GPHN: variants seen among roughly 807,000 people sequenced by gnomAD.
GPHN encodes gephyrin.
A neutral mutation model predicts 95.5 loss-of-function variants in GPHN; 17 were observed. The observed-to-expected ratio is 0.18, with a 90% CI of 0.12 to 0.27. The LOEUF is 0.27. Ranked by LOEUF, GPHN falls within the 10% of genes least tolerant of loss-of-function variation. GPHN has a pLI of 1.00. For missense variants in GPHN, 660 were observed against 978.1 expected (o/e 0.67, Z 4.34); for synonymous variants, 320 against 322.5 (o/e 0.99, Z 0.08).
chr14:67,398,854 C>A, the GPHN span, among the ~76,000 whole-genome samples: 1 of 152,226 alleles, frequency 6.6e-6, no homozygotes, highest in Non-Finnish European at 1.5e-5. Flanking sequence ...AGCCACCATG[C>A]CCGGTCCCTG....
At chr14:67,479,264 G>T in the GPHN span, among the ~76,000 whole-genome samples, 1 of 151,928 alleles carries the variant, frequency 6.6e-6, no homozygotes, top group East Asian at 1.9e-4. Context: ...AAATTAGCTG[G>T]GCGTGGTGGC....
the GPHN span, among the ~76,000 whole-genome samples, chr14:67,391,842 C>T: frequency 6.6e-6 from 1 of 152,088 alleles, no homozygotes; most frequent in African/African-American, 2.4e-5. Flanking sequence ...GAATAGGGAG[C>T]CTTACAGTGG....
intron 1 of GPHN, among the ~76,000 whole-genome samples, chr14:66,529,151 G>A (rs749542159): frequency 7.2e-5 from 11 of 151,816 alleles, no homozygotes; most frequent in Non-Finnish European, 1.0e-4. Flanking sequence ...TTTCTTGGAG[G>A]CTTTGTTTGT....
chr14:67,307,132 T>C, the GPHN span, among the ~76,000 whole-genome samples: 2 of 152,200 alleles, frequency 1.3e-5, no homozygotes, highest in African/African-American at 4.8e-5. Flanking sequence ...GCTCTTTCAG[T>C]AGCAGAGGGC....
chr14:66,893,306 C>T (rs1401673562), intron 5 of GPHN, among the ~76,000 whole-genome samples: 1 of 152,106 alleles, frequency 6.6e-6, no homozygotes, highest in Non-Finnish European at 1.5e-5. Context: ...CTCACTGGGG[C>T]TCATCGGACA....
chr14:66,702,360 G>T (rs911583508), intron 2 of GPHN, among the ~76,000 whole-genome samples: 1 of 152,158 alleles, frequency 6.6e-6, no homozygotes, highest in East Asian at 1.9e-4. Context: ...CTCCAAAAGG[G>T]ATTGTCAAAA....
chr14:67,374,387 C>G, the GPHN span: 48 of 713,086 alleles, frequency 6.7e-5, 1 homozygote, highest in South Asian at 1.6e-3. Flanking sequence ...CAATCAAACA[C>G]TTAATTTGGT....
chr14:66,784,437 A>T (rs991800979), intron 3 of GPHN, among the ~76,000 whole-genome samples: 5 of 152,198 alleles, frequency 3.3e-5, no homozygotes, highest in African/African-American at 1.2e-4. Flanking sequence ...AAAGGAAGTA[A>T]TAGAAAAAGG....
intron 4 of GPHN, among the ~76,000 whole-genome samples, chr14:66,830,306 G>A (rs1226211987): frequency 6.6e-6 from 1 of 151,690 alleles, no homozygotes; most frequent in Non-Finnish European, 1.5e-5. Flanking sequence ...ATGCTTTTTT[G>A]CCATATTGAA....
chr14:67,217,656 G>C, the GPHN span, among the ~76,000 whole-genome samples: 2 of 151,998 alleles, frequency 1.3e-5, no homozygotes, highest in Admixed American at 6.5e-5. Context: ...TAAGTCCCTT[G>C]AGCATTTTTT....
intron 3 of GPHN, among the ~76,000 whole-genome samples, chr14:66,806,194 C>G (rs2060534520): frequency 6.6e-6 from 1 of 152,186 alleles, no homozygotes; most frequent in South Asian, 2.1e-4. Flanking sequence ...TCTACGTTGT[C>G]CCCTTTCAGC....
chr14:66,889,201 G>A (rs974590182), intron 5 of GPHN, among the ~76,000 whole-genome samples: 24 of 151,914 alleles, frequency 1.6e-4, no homozygotes, highest in African/African-American at 5.6e-4. Context: ...CACACAAAAG[G>A]TAAGTAAAGA....
the GPHN span, among the ~76,000 whole-genome samples, chr14:67,474,914 CTTT>C: frequency 9.6e-5 from 12 of 124,920 alleles, no homozygotes; most frequent in African/African-American, 1.6e-4. Context: ...GAATTTCCTT[CTTT>C]TTTTTTTTTT....
chr14:67,480,024 T>A, the GPHN span, among the ~76,000 whole-genome samples: 1 of 152,126 alleles, frequency 6.6e-6, no homozygotes, highest in African/African-American at 2.4e-5. Flanking sequence ...TGCCTCAGGG[T>A]CCTTGTAGGT....
chr14:66,584,284 T>G (rs987234187), intron 1 of GPHN, among the ~76,000 whole-genome samples: 1 of 152,204 alleles, frequency 6.6e-6, no homozygotes, highest in African/African-American at 2.4e-5. Context: ...AAGGAGATTT[T>G]GGGCTGAGAC....
the GPHN span, among the ~76,000 whole-genome samples, chr14:67,453,857 G>A: frequency 1.3e-5 from 2 of 152,186 alleles, no homozygotes. Context: ...TGTAGATCCT[G>A]GCTCTGCCAC....
At chr14:66,745,252 A>G (rs577041049) in intron 2 of GPHN, among the ~76,000 whole-genome samples, 160 of 152,190 alleles carry the variant, frequency 1.1e-3, no homozygotes, top group Non-Finnish European at 1.9e-3. Context: ...CTAGATTCTC[A>G]TGATTGAGAA....
At chr14:67,649,138 C>T in the GPHN span, 1 of 152,194 alleles carries the variant, frequency 6.6e-6, no homozygotes, top group African/African-American at 2.4e-5. Context: ...TTCCTAAAAA[C>T]ACCACTTAGA....
At chr14:67,118,815 A>G (rs1388886935) in intron 16 of GPHN, among the ~76,000 whole-genome samples, 3 of 152,062 alleles carry the variant, frequency 2.0e-5, no homozygotes, top group African/African-American at 7.2e-5. Context: ...GGCAAACAGG[A>G]GAAAAGCAGA....
Sources: gnomAD v4.1 joint callset for allele counts (sites outside exome capture counted in the v4.1 genomes callset) on GRCh38, gnomAD v4.1.1 for gene constraint, MANE v1.5 for transcripts, NCBI Gene and HGNC (gene_info 2026-07-23, HGNC 2026-07-21) for gene names.